PFKFB1: variants seen among roughly 807,000 people sequenced by gnomAD.
The protein encoded by PFKFB1 is 6-phosphofructo-2-kinase/fructose-2,6-bisphosphatase 1.
PFKFB1 carries 34 observed loss-of-function variants against 46.4 expected under a neutral mutation model. That is an observed-to-expected ratio of 0.73 (90% CI 0.56 to 0.98). The LOEUF (loss-of-function observed/expected upper bound fraction) is 0.98, where lower values mean the gene tolerates loss of function less well. PFKFB1 is among the 50% of genes least tolerant of loss of function. PFKFB1 has a pLI of 0.00. For synonymous variants in PFKFB1, 119 were observed against 133.8 expected (o/e 0.89, Z 0.76); for missense variants, 393 against 376.3 (o/e 1.04, Z -0.37).
chrX:54,996,987 C>T (rs918752615), upstream of PFKFB1, among the ~76,000 whole-genome samples: 9 of 111,371 alleles, frequency 8.1e-5, no homozygotes, highest in Non-Finnish European at 1.7e-4. Context: ...GGTCTGCTTC[C>T]CCACTAGACT....
At chrX:54,992,513 T>C (rs1935267175) in intron 1 of PFKFB1, among the ~76,000 whole-genome samples, 1 of 111,973 alleles carries the variant, frequency 8.9e-6, no homozygotes, top group South Asian at 3.7e-4. Context: ...CCAGAACCTC[T>C]GAATCAGTGA....
chrX:54,943,934 G>A (rs1261495621), intron 10 of PFKFB1, among the ~76,000 whole-genome samples: 1 of 111,039 alleles, frequency 9.0e-6, no homozygotes, highest in Non-Finnish European at 1.9e-5. Flanking sequence ...AACAACAACA[G>A]GAATAATTCA....
At chrX:54,939,402 C>T (rs1365799612) in intron 10 of PFKFB1, among the ~76,000 whole-genome samples, 1 of 111,636 alleles carries the variant, frequency 9.0e-6, no homozygotes, top group Non-Finnish European at 1.9e-5. Context: ...CAGAGCAGAA[C>T]TGAAGGAGAT....
chrX:54,935,051 GCCAGGACACAGCCTCC>G (rs1933340689), intron 11 of PFKFB1, 42 bp from the exon 12 acceptor site: 1 of 1,043,303 alleles, frequency 9.6e-7, no homozygotes, highest in Admixed American at 2.3e-5. Flanking sequence ...CAGGGTGCTG[GCCAGGACACAGCCTCC>G]CCAGGCCCCC....
chrX:54,993,755 C>T (rs958145891), intron 1 of PFKFB1, among the ~76,000 whole-genome samples, 156 bp downstream of exon 1: 5 of 111,752 alleles, frequency 4.5e-5, no homozygotes, highest in African/African-American at 9.8e-5. Context: ...CTTTTCCTCA[C>T]GTTTTTGACA....
intron 5 of PFKFB1, 141 bp downstream of exon 5, chrX:54,958,710 T>A: frequency 2.1e-6 from 1 of 466,673 alleles, no homozygotes; most frequent in South Asian, 4.0e-5. Flanking sequence ...CTTCTGACTA[T>A]ATCCTGGAAA....
chrX:54,994,574 A>G, upstream of PFKFB1: 1 of 754,270 alleles, frequency 1.3e-6, no homozygotes, highest in Non-Finnish European at 1.6e-6. Context: ...TCCCAAGGAC[A>G]AAAACACAAA....
At chrX:54,980,318 TACACAC>T (rs35051444) in intron 1 of PFKFB1, among the ~76,000 whole-genome samples, 5 of 106,228 alleles carry the variant, frequency 4.7e-5, no homozygotes, top group African/African-American at 1.4e-4. Context: ...TGATTTAACA[TACACAC>T]ACACACACAC....
chrX:54,988,517 C>T (rs368508340), intron 1 of PFKFB1, among the ~76,000 whole-genome samples: 3 of 111,264 alleles, frequency 2.7e-5, no homozygotes, highest in African/African-American at 9.8e-5. Flanking sequence ...CCTAGAATAG[C>T]CAAAACAATC....
intron 12 of PFKFB1, 84 bp downstream of exon 12, chrX:54,934,863 G>T: frequency 1.3e-6 from 1 of 771,210 alleles, no homozygotes; most frequent in Non-Finnish European, 2.0e-6. Flanking sequence ...CCTCCTGCAG[G>T]ACTCTTCTGG....
rs758816506 is a variant in PFKFB1 at position 54,949,117 on chromosome X, AC to A, written c.950del (p.Gly317ValfsTer10). On this transcript the variant is annotated frameshift_variant, in exon 9 of 14. Coordinates refer to ENST00000375006, the MANE Select transcript of PFKFB1 (RefSeq NM_002625.4). LOFTEE classifies it high-confidence loss of function. ...KRTIQTAEAL[G>X]VPYEQWKALN... is the part of the protein sequence containing the mutation. ...GGGCCTTCCACTGCTCATAGGGGAC[AC>A]CCAGGGCCTCAGCTGTCTGGATGGT... The A allele has an allele frequency of 8.3e-7, 1 of 1,210,981 alleles. No homozygotes were observed. The highest frequency in any genetic ancestry group is 1.1e-6 in the Non-Finnish European group (1 of 895,044).
intron 1 of PFKFB1, among the ~76,000 whole-genome samples, chrX:54,978,563 C>T (rs1489003763): frequency 9.0e-6 from 1 of 111,646 alleles, no homozygotes; most frequent in African/African-American, 3.2e-5. Flanking sequence ...GTTGATACTT[C>T]TCCCTCTAGG....
intron 1 of PFKFB1, among the ~76,000 whole-genome samples, chrX:54,976,064 A>G (rs1257058237): frequency 8.9e-6 from 1 of 111,739 alleles, no homozygotes; most frequent in Non-Finnish European, 1.9e-5. Flanking sequence ...AAAAAGCATT[A>G]TCCACACAAG....
intron 9 of PFKFB1, among the ~76,000 whole-genome samples, chrX:54,947,414 G>C (rs1297433514): frequency 8.9e-6 from 1 of 111,929 alleles, no homozygotes. Context: ...ACAAGGAGGG[G>C]TTCAATAAAT....
chrX:54,982,386 T>A (rs996254747), intron 1 of PFKFB1, among the ~76,000 whole-genome samples: 1 of 111,684 alleles, frequency 9.0e-6, no homozygotes, highest in African/African-American at 3.2e-5. Flanking sequence ...AACAAAATAT[T>A]GGCAGACAGA....
chrX:54,961,819 G>A (rs1377739119), intron 2 of PFKFB1, among the ~76,000 whole-genome samples: 1 of 112,081 alleles, frequency 8.9e-6, no homozygotes, highest in Non-Finnish European at 1.9e-5. Context: ...AGGCTTTTTA[G>A]GGTAGGCACC....
chrX:54,956,070 G>T, intron 7 of PFKFB1, 83 bp downstream of exon 7: 1 of 591,626 alleles, frequency 1.7e-6, no homozygotes, highest in Non-Finnish European at 2.7e-6. Flanking sequence ...GGCCCAGCAA[G>T]GGAGGATATT....
At chrX:54,953,517 CTG>C (rs1437645703) in intron 7 of PFKFB1, among the ~76,000 whole-genome samples, 1 of 111,793 alleles carries the variant, frequency 8.9e-6, no homozygotes, top group East Asian at 2.8e-4. Flanking sequence ...GATGAAGAAA[CTG>C]AGGCATAGAG....
At chrX:54,944,523 GA>G (rs1933745802) in intron 10 of PFKFB1, among the ~76,000 whole-genome samples, 4 of 111,917 alleles carry the variant, frequency 3.6e-5, no homozygotes, top group African/African-American at 9.7e-5. Flanking sequence ...GAAAGTAAAT[GA>G]ATAGCTAAAA....
Sources: allele counts gnomAD v4.1 joint callset (sites outside exome capture counted in the v4.1 genomes callset), GRCh38; gene constraint gnomAD v4.1.1; transcripts MANE v1.5; gene names NCBI Gene and HGNC (gene_info 2026-07-23, HGNC 2026-07-21).